CD99L2: variants seen among roughly 807,000 people sequenced by gnomAD.
The protein encoded by CD99L2 is CD99 molecule like 2, also known as CD99 antigen-like protein 2.
Under a neutral mutation model 27.3 loss-of-function variants are expected in CD99L2, and 24 were observed. The observed-to-expected ratio is 0.88, with a 90% CI of 0.64 to 1.24. The LOEUF (loss-of-function observed/expected upper bound fraction) is 1.24. Ranked by LOEUF, CD99L2 falls within the 50% of genes most tolerant of loss-of-function variation. The pLI is 0.00. For missense variants in CD99L2, 255 were observed against 221.6 expected (o/e 1.15, Z -0.96); for synonymous variants, 97 against 87.9 (o/e 1.10, Z -0.58).
chrX:150,770,315 T>C lies in CD99L2; in HGVS notation c.710A>G (p.Glu237Gly). The part of the protein sequence containing the change: ...KGENLEAVVC[E>G]EPQVKYSTLH... ...TACAAAGTTCTCACCTTGGGGTTCC[T>C]CACATACCACGGCTTCCAGGTTCTC... The change falls in exon 10 of 11, where the codon GAG becomes GGG. Residue 237 changes from glutamate to glycine, a missense_variant. Physicochemically the swap from Glu to Gly is moderately conservative, Grantham distance 98 (BLOSUM62 -2). Transcript: ENST00000370377. 8.3e-7 allele frequency: 1 copy of C among 1,211,726 alleles called. No individual in the cohort carries two copies. The highest frequency in any genetic ancestry group is 1.1e-6 in the Non-Finnish European group (1 of 895,216).
intron 9 of CD99L2, among the ~76,000 whole-genome samples, chrX:150,775,569 G>A (rs782415205): frequency 1.9e-4 from 21 of 112,327 alleles, no homozygotes; most frequent in Non-Finnish European, 3.6e-4. Flanking sequence ...GTGGTGGGTC[G>A]GGGGGGAACC....
At chrX:150,849,820 A>G in intron 1 of CD99L2, among the ~76,000 whole-genome samples, 1 of 111,885 alleles carries the variant, frequency 8.9e-6, no homozygotes, top group African/African-American at 3.3e-5. Context: ...AAATCTTCCA[A>G]GTGAGTAAGA....
intron 7 of CD99L2, among the ~76,000 whole-genome samples, chrX:150,777,818 T>G (rs1223880224): frequency 8.9e-6 from 1 of 111,808 alleles, no homozygotes; most frequent in African/African-American, 3.3e-5. Flanking sequence ...GGCCTCACCA[T>G]AAGTGGGGGG....
At chrX:150,826,011 T>C (rs2046362181) in intron 2 of CD99L2, among the ~76,000 whole-genome samples, 1 of 111,271 alleles carries the variant, frequency 9.0e-6, no homozygotes, top group Non-Finnish European at 1.9e-5. Context: ...TATTCAAAGG[T>C]GAGGACTTTG....
At chrX:150,792,134 ATCT>A (rs201731414) in intron 7 of CD99L2, among the ~76,000 whole-genome samples, 1,801 of 111,768 alleles carry the variant, frequency 0.016, 43 homozygotes, top group African/African-American at 0.056. Flanking sequence ...GACCCCCTTT[ATCT>A]TCTTTTCCTG....
chrX:150,808,431 G>T (rs1557420299), intron 4 of CD99L2, among the ~76,000 whole-genome samples: 1 of 112,332 alleles, frequency 8.9e-6, no homozygotes, highest in African/African-American at 3.2e-5. Context: ...GCACCAAATG[G>T]TACTAGGAGT....
chrX:150,869,518 G>A (rs782322006), intron 1 of CD99L2, among the ~76,000 whole-genome samples: 5 of 111,826 alleles, frequency 4.5e-5, no homozygotes, highest in Admixed American at 9.5e-5. Flanking sequence ...TAATGTTTTC[G>A]GTATGTGTGT....
intron 1 of CD99L2, among the ~76,000 whole-genome samples, chrX:150,893,039 G>A (rs1415708445): frequency 9.0e-6 from 1 of 111,650 alleles, no homozygotes; most frequent in Non-Finnish European, 1.9e-5. Context: ...CAGGAGAATC[G>A]CTTGAACCTG....
chrX:150,848,556 TA>T (rs55999462), intron 1 of CD99L2, among the ~76,000 whole-genome samples: 2,471 of 93,677 alleles, frequency 0.026, 40 homozygotes, highest in Middle Eastern at 0.044. Flanking sequence ...TTCCACAATT[TA>T]AAAAAAAAAA....
chrX:150,777,885 C>G (rs2045428562), intron 7 of CD99L2, among the ~76,000 whole-genome samples: 1 of 112,278 alleles, frequency 8.9e-6, no homozygotes, highest in South Asian at 3.7e-4. Flanking sequence ...CCACGGGTCT[C>G]TGACGTAGCC....
At chrX:150,822,129 A>G (rs138129265) in intron 2 of CD99L2, among the ~76,000 whole-genome samples, 1,516 of 112,559 alleles carry the variant, frequency 0.013, 11 homozygotes, top group Middle Eastern at 0.023. Flanking sequence ...ATGTCCATCA[A>G]CTGATGAGTG....
At chrX:150,893,327 A>G (rs1041100155) in intron 1 of CD99L2, among the ~76,000 whole-genome samples, 1 of 110,466 alleles carries the variant, frequency 9.1e-6, no homozygotes, top group Non-Finnish European at 1.9e-5. Flanking sequence ...TCTCCCTATC[A>G]TGCCACTGTT....
intron 1 of CD99L2, among the ~76,000 whole-genome samples, chrX:150,860,131 C>T (rs1405123466): frequency 1.8e-5 from 2 of 111,863 alleles, no homozygotes; most frequent in East Asian, 2.8e-4. Flanking sequence ...TAATACACCA[C>T]GATCAAGTGG....
chrX:150,825,904 A>C lies in CD99L2; in HGVS notation c.130+5327T>G, dbSNP rs182499911. 4.1e-4 allele frequency among the ~76,000 whole-genome samples: 46 copies of C among 112,182 alleles called. 1 individual carries two copies. The East Asian group carries it at 0.012, about 30-fold the overall frequency. ...CAGTAAAAACAGGGTGGGTTCCCCC[A>C]GGTGTGGCTTAATAATGGTAACTGC... is the stretch of plus-strand genomic sequence containing the variant. On this transcript the variant is annotated intron_variant, in intron 2 of 10. Coordinates refer to ENST00000370377, the MANE Select transcript of CD99L2 (RefSeq NM_031462.4).
chrX:150,898,383 G>C, intron 1 of CD99L2, 139 bp downstream of exon 1: 1 of 385,910 alleles, frequency 2.6e-6, no homozygotes, highest in Non-Finnish European at 3.7e-6. Flanking sequence ...CCGCCGCTCC[G>C]CCTCGCACAG....
At chrX:150,890,718 G>A (rs954380351) in intron 1 of CD99L2, among the ~76,000 whole-genome samples, 5 of 110,069 alleles carry the variant, frequency 4.5e-5, no homozygotes, top group African/African-American at 1.3e-4. Flanking sequence ...ACTCCTCCTC[G>A]TCCTCAGCGA....
chrX:150,871,522 C>T (rs1557422186), intron 1 of CD99L2, among the ~76,000 whole-genome samples: 1 of 111,937 alleles, frequency 8.9e-6, no homozygotes, highest in Non-Finnish European at 1.9e-5. Flanking sequence ...AACTGGAACT[C>T]ATATACTGCT....
intron 2 of CD99L2, 44 bp from the exon 3 acceptor site, chrX:150,816,122 C>T: frequency 8.9e-7 from 1 of 1,128,266 alleles, no homozygotes. Context: ...CGTTTAGTAA[C>T]AAAACACAGC....
chrX:150,787,364 A>G (rs782714226), intron 7 of CD99L2, among the ~76,000 whole-genome samples: 6 of 111,696 alleles, frequency 5.4e-5, no homozygotes, highest in Non-Finnish European at 9.4e-5. Flanking sequence ...TGGGTTTTAC[A>G]TTTAAGTCTT....
Sources: gnomAD v4.1 joint callset for allele counts (sites outside exome capture counted in the v4.1 genomes callset) on GRCh38, gnomAD v4.1.1 for gene constraint, MANE v1.5 for transcripts, NCBI Gene and HGNC (gene_info 2026-07-23, HGNC 2026-07-21) for gene names.